RADIL: variants seen among roughly 807,000 people sequenced by gnomAD.
The protein encoded by RADIL is Rap associating with DIL domain, also known as ras-associating and dilute domain-containing protein.
A neutral mutation model predicts 97.6 loss-of-function variants in RADIL; 99 were observed. The ratio of observed to expected loss-of-function variants is 1.01; its 90% CI spans 0.86 to 1.20. The LOEUF (loss-of-function observed/expected upper bound fraction) is 1.20, where lower values mean the gene tolerates loss of function less well. RADIL is among the 50% of genes most tolerant of loss of function. The pLI is 0.00. For synonymous variants in RADIL, 803 were observed against 691.8 expected, an observed-to-expected ratio of 1.16 and a Z score of -2.52; for missense variants, 1,765 against 1,498.9, an observed-to-expected ratio of 1.18 and a Z score of -2.93.
At position 4,822,910 on chromosome 7, in the gene RADIL, T is replaced by A. The variant is rs538194564; in HGVS notation, c.1455-356A>T. Among the ~76,000 whole-genome samples, 3 of 152,268 alleles carry A rather than the reference T, an allele frequency of 2.0e-5. No individual in the cohort carries two copies. Among genetic ancestry groups the A allele is most frequent in the African/African-American group, 4.8e-5 (2 of 41,554 alleles). On this transcript the variant is annotated intron_variant, in intron 5 of 14. Coordinates refer to ENST00000399583, the MANE Select transcript of RADIL (RefSeq NM_018059.5). This position sits in a 1 kb window ranked among gnomAD's most constrained non-coding sequence, Gnocchi z 5.3. Reference sequence around the variant, plus strand: ...GTGCCAATATGTGTGTGTGTGCGTGTATGCGTGCATGGGGGTGGGGGCTGG... The same window carrying A: ...GTGCCAATATGTGTGTGTGTGCGTGAATGCGTGCATGGGGGTGGGGGCTGG...
Position 4,815,151 on chromosome 7 carries a change from A to T in RADIL, c.2139+127T>A. ...ATGGAAGCAACTTTTCTGATTACCT[A>T]CGGTAGCTTTGAGGTTTCCAGCCAA... On this transcript the variant is annotated intron_variant, in intron 9 of 14. Coordinates refer to ENST00000399583, the MANE Select transcript of RADIL (RefSeq NM_018059.5). The surrounding 1 kb of genome is among the most constrained non-coding windows in gnomAD (Gnocchi z 8.0). 8.4e-7 allele frequency: 1 copy of T among 1,185,994 alleles called. No individual in the cohort carries two copies. The highest frequency in any genetic ancestry group is 1.1e-6 in the Non-Finnish European group (1 of 874,164). 73.5% of individuals were successfully genotyped at this position (1,185,994 alleles called of 1,614,324 possible).
chr7:4,878,099 T>G lies in RADIL; in HGVS notation c.41A>C (p.Lys14Thr). 4 of 1,587,320 alleles carry G rather than the reference T, an allele frequency of 2.5e-6. No individual in the cohort carries two copies. Among genetic ancestry groups the G allele is most frequent in the Non-Finnish European group, 3.4e-6 (4 of 1,167,908 alleles). ...CTGGCTCTGCCGCTTCAGTTTGCTC[T>G]TGGTGGGCGGGGACATGATGAAGTG... is the stretch of plus-strand genomic sequence containing the variant. ...GTHFIMSPPT[K>T]SKLKRQSQLL... The change falls in exon 2 of 15, where the codon AAG becomes ACG. Residue 14 changes from lysine (K) to threonine (T), a missense_variant. Transcript: ENST00000399583. The surrounding 1 kb of genome is among the most constrained non-coding windows in gnomAD (Gnocchi z 4.1).
intron 2 of RADIL, among the ~76,000 whole-genome samples, chr7:4,864,898 A>G (rs1386898248): frequency 6.6e-6 from 1 of 152,188 alleles, no homozygotes; most frequent in Non-Finnish European, 1.5e-5. Context: ...AATCCCTCCA[A>G]TGACCTCCCA....
intron 2 of RADIL, among the ~76,000 whole-genome samples, chr7:4,856,994 C>T (rs1783848935): frequency 6.6e-6 from 1 of 152,214 alleles, no homozygotes; most frequent in African/African-American, 2.4e-5. Flanking sequence ...TGCGAAAAGT[C>T]CACCAGCCAC....
rs1784524021 is a variant in RADIL at position 4,883,346 on chromosome 7, C to G, written c.-65+250G>C. ...GGCAGCGCGGACCCCCGGATCCCCGCAGGCTGGGCCGCCCTTGCCCGCGCT... is the reference window on the plus strand; with the variant it reads ...GGCAGCGCGGACCCCCGGATCCCCGGAGGCTGGGCCGCCCTTGCCCGCGCT... On this transcript the variant is annotated intron_variant, in intron 1 of 14. Coordinates refer to ENST00000399583, the MANE Select transcript of RADIL (RefSeq NM_018059.5). The surrounding 1 kb of genome is among the most constrained non-coding windows in gnomAD (Gnocchi z 7.1). Among the ~76,000 whole-genome samples the G allele has an allele frequency of 6.6e-6, 1 of 152,136 alleles. No individual in the cohort carries two copies. The highest frequency in any genetic ancestry group is 1.5e-5 in the Non-Finnish European group (1 of 67,998).
At chr7:4,827,586 A>G (rs182964344) in intron 5 of RADIL, among the ~76,000 whole-genome samples, 1,783 of 152,004 alleles carry the variant, frequency 0.012, 24 homozygotes, top group African/African-American at 0.031. Context: ...GCGTGAACCC[A>G]GGAGGCGGAG....
rs1349213601 is a variant in RADIL at position 4,840,302 on chromosome 7, C to T, written c.536-3697G>A. Among the ~76,000 whole-genome samples the T allele has an allele frequency of 6.6e-6, 1 of 152,176 alleles. No homozygotes were observed. The highest frequency in any genetic ancestry group is 2.4e-5 in the African/African-American group (1 of 41,442). ...CACCTGAGTCACCTGAGCGTCTCAG[C>T]TCTGTGCAGACCCAGGGCGGATCTG... On this transcript the variant is annotated intron_variant, in intron 2 of 14. Coordinates refer to ENST00000399583, the MANE Select transcript of RADIL (RefSeq NM_018059.5). This position sits in a 1 kb window ranked among gnomAD's most constrained non-coding sequence, Gnocchi z 5.6.
intron 2 of RADIL, among the ~76,000 whole-genome samples, chr7:4,862,904 AAAAAT>A (rs1330777122): frequency 2.0e-5 from 3 of 151,762 alleles, no homozygotes; most frequent in Admixed American, 6.6e-5. Flanking sequence ...TCTCAAAAAA[AAAAAT>A]AAAATTAAAA....
At chr7:4,831,892 C>CAA (rs1554262917) in intron 5 of RADIL, among the ~76,000 whole-genome samples, 1 of 150,216 alleles carries the variant, frequency 6.7e-6, no homozygotes, top group African/African-American at 2.5e-5. Flanking sequence ...CAAAACAAAA[C>CAA]AAAAACAAAC....
chr7:4,812,178 G>A (rs1782565947), intron 9 of RADIL, among the ~76,000 whole-genome samples: 2 of 152,146 alleles, frequency 1.3e-5, no homozygotes, highest in Admixed American at 6.5e-5. Context: ...ACCACACCTG[G>A]CCTTTCAGTT....
At position 4,814,640 on chromosome 7, in the gene RADIL, C is replaced by G. The variant is rs183120965; in HGVS notation, c.2139+638G>C. ...CCATTGCCGTTGTGACAAATGCCCA[C>G]ACGCCTGGCGGTCACGGCCACACAG... is the stretch of plus-strand genomic sequence containing the variant. On this transcript the variant is annotated intron_variant, in intron 9 of 14. Coordinates refer to ENST00000399583, the MANE Select transcript of RADIL (RefSeq NM_018059.5). This position sits in a 1 kb window ranked among gnomAD's most constrained non-coding sequence, Gnocchi z 4.5. Among the ~76,000 whole-genome samples, 248 of 152,346 alleles carry G rather than the reference C, an allele frequency of 1.6e-3. No homozygotes were observed. Among genetic ancestry groups the G allele is most frequent in the Non-Finnish European group, 2.5e-3 (171 of 68,030 alleles).
rs533772725 is a variant in RADIL, at chr7:4,883,161, CCTGCGCCCCGCTCCCCCG to C, written c.-65+417_-65+434del. ...GCCCAGGTGGGAGAGCGCGCGGAAC[CCTGCGCCCCGCTCCCCCG>C]CTGCGCCCCGCTCCCCCGCTGCGCG... On this transcript the variant is annotated intron_variant, in intron 1 of 14. Coordinates refer to ENST00000399583, the MANE Select transcript of RADIL (RefSeq NM_018059.5). This position sits in a 1 kb window ranked among gnomAD's most constrained non-coding sequence, Gnocchi z 7.1. 8.6e-5 allele frequency among the ~76,000 whole-genome samples: 13 copies of C among 151,478 alleles called. No individual in the cohort carries two copies. The highest frequency in any genetic ancestry group is 4.1e-4 in the South Asian group (2 of 4,832).
chr7:4,834,924 G>A lies in RADIL; in HGVS notation c.1099C>T (p.Arg367Trp), dbSNP rs1328713157. 6 of 1,571,084 alleles carry A rather than the reference G, an allele frequency of 3.8e-6. No individual in the cohort carries two copies. The highest frequency in any genetic ancestry group is 2.3e-5 in the South Asian group (2 of 85,748). Residue 367 changes from arginine to tryptophan, a missense_variant, in exon 4 of 15, where the codon CGG (arginine) becomes TGG (tryptophan). Physicochemically the swap from Arg to Trp is moderately radical, Grantham distance 101 (BLOSUM62 -3). Coordinates refer to ENST00000399583, the MANE Select transcript of RADIL (RefSeq NM_018059.5). The surrounding 1 kb of genome is among the most constrained non-coding windows in gnomAD (Gnocchi z 6.0). The stretch of plus-strand genomic sequence containing the variant: ...ACAGCCCGGAGGCGCGCCAAGGCCC[G>A]GGCGGGCAGGGGCTGGGCCTGCGCG... ...DPAQAQPLPARALARLRAVPQ... is the reference protein window; with the variant it reads ...DPAQAQPLPAWALARLRAVPQ...
intron 2 of RADIL, among the ~76,000 whole-genome samples, chr7:4,868,036 C>T (rs1784168003): frequency 6.6e-6 from 1 of 152,124 alleles, no homozygotes; most frequent in Non-Finnish European, 1.5e-5. Flanking sequence ...ACTTTAACAT[C>T]ATTGGTTTCT....
At chr7:4,838,092 G>C (rs569849522) in intron 2 of RADIL, 2 of 978,306 alleles carry the variant, frequency 2.0e-6, no homozygotes, top group African/African-American at 3.5e-5. Flanking sequence ...GAGGGAGGCC[G>C]CCCAGCCGCA....
At chr7:4,832,607 C>T (rs748222842) in intron 4 of RADIL, among the ~76,000 whole-genome samples, 5 of 151,900 alleles carry the variant, frequency 3.3e-5, no homozygotes, top group Non-Finnish European at 7.4e-5. Context: ...GGTGTGGTGG[C>T]GCATGCCTAT....
In RADIL at chr7:4,804,423, G is replaced by A. The variant is rs561037808; in HGVS notation, c.2291-669C>T. 4.6e-5 allele frequency among the ~76,000 whole-genome samples: 7 copies of A among 152,354 alleles called. No homozygotes were observed. In the East Asian group the frequency reaches 9.6e-4, roughly 21 times the overall value. On this transcript the variant is annotated intron_variant, in intron 10 of 14. Transcript: ENST00000399583. ...TCGCCTCTGCGCCTCCCGCCATCCC[G>A]TACTCTGTTTTGTTGAGGTGTTAAC...
In RADIL at chr7:4,822,261, G is replaced by A; in HGVS notation, c.1615+133C>T. 1 of 1,170,354 alleles carries A rather than the reference G, an allele frequency of 8.5e-7. No individual in the cohort carries two copies. Among genetic ancestry groups the A allele is most frequent in the South Asian group, 1.6e-5 (1 of 62,112 alleles). The allele number at this position is 1,170,354 out of a possible 1,614,324, so 72.5% of individuals were successfully genotyped here. On this transcript the variant is annotated intron_variant, in intron 6 of 14. Coordinates refer to ENST00000399583, the MANE Select transcript of RADIL (RefSeq NM_018059.5). This position sits in a 1 kb window ranked among gnomAD's most constrained non-coding sequence, Gnocchi z 5.3. ...CGAGCAACTGACACATGGCAGCCTA[G>A]GGACTGAGGAAGCCCCCGGCATGAA... is the stretch of plus-strand genomic sequence containing the variant.
At position 4,799,701 on chromosome 7, in the gene RADIL, G is replaced by T. The variant is rs570356244; in HGVS notation, c.3051C>A (p.Asp1017Glu). 46 of 1,575,968 alleles carry T rather than the reference G, an allele frequency of 2.9e-5. No individual in the cohort carries two copies. The highest frequency in any genetic ancestry group is 4.0e-5 in the African/African-American group (3 of 74,434). The change falls in exon 14 of 15, where the codon GAC (aspartate) becomes GAA (glutamate). Residue 1017 changes from aspartate (D) to glutamate (E), a missense_variant. Physicochemically the swap from Asp to Glu is conservative, Grantham distance 45. Transcript: ENST00000399583. The stretch of plus-strand genomic sequence containing the variant: ...TACGGTCCCCCAGCGACAGGCGCCC[G>T]TCGGCCGCTGCGGGGCTGCCCGGGA... Reference protein sequence around the residue: ...TLLPGSPAAADGRLSLGDRIL... With the variant: ...TLLPGSPAAAEGRLSLGDRIL...
Sources: gnomAD v4.1 joint callset for allele counts (sites outside exome capture counted in the v4.1 genomes callset) on GRCh38, gnomAD v4.1.1 for gene constraint, Gnocchi (gnomAD v3.1) non-coding constraint, MANE v1.5 for transcripts, NCBI Gene and HGNC (gene_info 2026-07-23, HGNC 2026-07-21) for gene names.